The following HPSE2 variants were observed in gnomAD, a reference collection of about 807,000 sequenced individuals.
The protein encoded by HPSE2 is inactive heparanase-2.
In HPSE2, 38 loss-of-function variants were observed where a neutral mutation model predicts 60.5. The observed-to-expected ratio is 0.63, with a 90% CI of 0.48 to 0.82. HPSE2 has a LOEUF of 0.82. Among genes scored for constraint, HPSE2 ranks in the 40% least tolerant of loss-of-function variants. HPSE2 has a pLI of 0.00. For missense variants in HPSE2, 713 were observed against 740.4 expected, an observed-to-expected ratio of 0.96 and a Z score of 0.43; for synonymous variants, 295 against 293.2, an observed-to-expected ratio of 1.01 and a Z score of -0.06.
At chr10:99,193,754 G>A (rs1380259871) in intron 2 of HPSE2, among the ~76,000 whole-genome samples, 2 of 151,880 alleles carry the variant, frequency 1.3e-5, no homozygotes, top group African/African-American at 2.4e-5. Context: ...TAAATATATA[G>A]GCACCTAACA....
intron 3 of HPSE2, among the ~76,000 whole-genome samples, chr10:99,098,869 C>G (rs10509729): frequency 0.51 from 77,246 of 152,054 alleles, 21,404 homozygotes; most frequent in East Asian, 0.65. Flanking sequence ...TAAAGTGCTA[C>G]GGTTCTCATA....
intron 9 of HPSE2, among the ~76,000 whole-genome samples, chr10:98,495,754 T>C (rs1325615440): frequency 1.3e-5 from 2 of 152,164 alleles, no homozygotes; most frequent in Non-Finnish European, 2.9e-5. Flanking sequence ...TCTTTACTGA[T>C]ATTCCATTTT....
chr10:99,139,514 G>A (rs200997447), intron 3 of HPSE2, among the ~76,000 whole-genome samples: 20 of 147,902 alleles, frequency 1.4e-4, no homozygotes, highest in South Asian at 2.1e-4. Flanking sequence ...ATATATATAT[G>A]TGTGTTACTT....
At chr10:98,582,439 GT>G (rs1247190110) in intron 9 of HPSE2, among the ~76,000 whole-genome samples, 8 of 152,320 alleles carry the variant, frequency 5.3e-5, no homozygotes, top group African/African-American at 1.9e-4. Flanking sequence ...GGAAGGGGAT[GT>G]TGAAAAATGA....
chr10:98,840,940 T>C (rs1951897045), intron 3 of HPSE2, among the ~76,000 whole-genome samples: 1 of 152,210 alleles, frequency 6.6e-6, no homozygotes, highest in Non-Finnish European at 1.5e-5. Context: ...ATTGTTTGGT[T>C]AACTAATTAA....
At chr10:98,549,609 C>A (rs1022455196) in intron 9 of HPSE2, among the ~76,000 whole-genome samples, 2 of 152,208 alleles carry the variant, frequency 1.3e-5, no homozygotes, top group Non-Finnish European at 2.9e-5. Flanking sequence ...AAATCACCTA[C>A]CCACTTGTTT....
intron 3 of HPSE2, among the ~76,000 whole-genome samples, chr10:98,826,470 T>C (rs1441030292): frequency 6.6e-6 from 1 of 152,310 alleles, no homozygotes; most frequent in East Asian, 1.9e-4. Context: ...ACTATTTTCA[T>C]AGAAAGGTTG....
intron 3 of HPSE2, among the ~76,000 whole-genome samples, chr10:98,907,929 G>A (rs1953869209): frequency 6.6e-6 from 1 of 152,076 alleles, no homozygotes; most frequent in Non-Finnish European, 1.5e-5. Context: ...CACCATTGTA[G>A]TTAAGCTTAT....
chr10:98,618,051 C>A (rs12243125), intron 8 of HPSE2, among the ~76,000 whole-genome samples: 2 of 152,112 alleles, frequency 1.3e-5, no homozygotes, highest in African/African-American at 4.8e-5. Flanking sequence ...TACTCCCCCC[C>A]GCCACGACAG....
intron 2 of HPSE2, among the ~76,000 whole-genome samples, chr10:99,192,998 T>A (rs1848273933): frequency 6.6e-6 from 1 of 152,148 alleles, no homozygotes; most frequent in African/African-American, 2.4e-5. Flanking sequence ...CAAAATATTA[T>A]ACCACTATAA....
intron 6 of HPSE2, among the ~76,000 whole-genome samples, chr10:98,666,864 C>T (rs1947376806): frequency 6.6e-6 from 1 of 151,682 alleles, no homozygotes; most frequent in African/African-American, 2.4e-5. Flanking sequence ...AACATTGCAC[C>T]TAGAGAAATA....
At chr10:98,855,143 G>A (rs1241091373) in intron 3 of HPSE2, among the ~76,000 whole-genome samples, 2 of 152,212 alleles carry the variant, frequency 1.3e-5, no homozygotes, top group Non-Finnish European at 1.5e-5. Flanking sequence ...ACCAGGTGAT[G>A]CCAAGCACCA....
At chr10:98,804,956 A>C (rs891189954) in intron 3 of HPSE2, among the ~76,000 whole-genome samples, 2 of 152,212 alleles carry the variant, frequency 1.3e-5, no homozygotes, top group African/African-American at 4.8e-5. Flanking sequence ...AGCCAGAAAA[A>C]GAATCAGATC....
At chr10:98,704,975 A>G (rs920611263) in intron 5 of HPSE2, among the ~76,000 whole-genome samples, 25 of 152,128 alleles carry the variant, frequency 1.6e-4, no homozygotes, top group African/African-American at 6.0e-4. Context: ...AATAGGCAAC[A>G]TACAGAATGG....
chr10:99,042,926 A>G (rs867669830), intron 3 of HPSE2, among the ~76,000 whole-genome samples: 4 of 152,280 alleles, frequency 2.6e-5, no homozygotes, highest in Admixed American at 6.5e-5. Flanking sequence ...TCACAGTCCA[A>G]ACAACACCAC....
chr10:98,995,619 A>G (rs1342829456), intron 3 of HPSE2, among the ~76,000 whole-genome samples: 1 of 152,172 alleles, frequency 6.6e-6, no homozygotes, highest in East Asian at 1.9e-4. Flanking sequence ...TAAATATTCT[A>G]TTCACTTCTA....
the HPSE2 span, among the ~76,000 whole-genome samples, chr10:99,283,130 G>A: frequency 6.6e-6 from 1 of 150,530 alleles, no homozygotes; most frequent in African/African-American, 2.4e-5. Context: ...AGCTTGCAGT[G>A]AGCCAAGATC....
At chr10:98,723,559 T>C (rs529079060) in intron 4 of HPSE2, among the ~76,000 whole-genome samples, 1,812 of 152,256 alleles carry the variant, frequency 0.012, 24 homozygotes, top group African/African-American at 0.041. Flanking sequence ...CTCCTTGTAC[T>C]GCTGGTAGAA....
rs371420656 is a variant in HPSE2, at chr10:99,166,227, T to G, written c.449-21828A>C. ...CACCCACTGAAGGAAATCCAGGTTG[T>G]TTCTAGTTTTCGAGAATGAATATAT... On this transcript the variant is annotated intron_variant, in intron 2 of 11. Coordinates refer to ENST00000370552, the MANE Select transcript of HPSE2 (RefSeq NM_021828.5). 9.2e-5 allele frequency among the ~76,000 whole-genome samples: 14 copies of G among 152,346 alleles called. No individual in the cohort carries two copies. In the East Asian group the frequency reaches 2.7e-3, roughly 29 times the overall value.
Sources: gnomAD v4.1 joint callset for allele counts (sites outside exome capture counted in the v4.1 genomes callset) on GRCh38, gnomAD v4.1.1 for gene constraint, MANE v1.5 for transcripts, NCBI Gene and HGNC (gene_info 2026-07-23, HGNC 2026-07-21) for gene names.